PCDH15: variants seen among roughly 807,000 people sequenced by gnomAD.
PCDH15 encodes the protein protocadherin-15.
PCDH15 carries 129 observed loss-of-function variants against 178.5 expected under a neutral mutation model. That is an observed-to-expected ratio of 0.72 (90% CI 0.63 to 0.84). The LOEUF is 0.84. Among genes scored for constraint, PCDH15 ranks in the 40% least tolerant of loss-of-function variants. The probability of loss-of-function intolerance (pLI) is 0.00; values close to 1 mark genes in which losing one functional copy is unlikely to be tolerated. For synonymous variants in PCDH15, 800 were observed against 732.0 expected, an observed-to-expected ratio of 1.09 and a Z score of -1.50; for missense variants, 2,230 against 2,099.9, an observed-to-expected ratio of 1.06 and a Z score of -1.21.
intron 2 of PCDH15, among the ~76,000 whole-genome samples, chr10:55,457,868 T>C (rs566140489): frequency 5.9e-5 from 9 of 152,208 alleles, no homozygotes; most frequent in Admixed American, 5.9e-4. Flanking sequence ...TATGTGTCAC[T>C]ATATTAATAA....
intron 2 of PCDH15, among the ~76,000 whole-genome samples, chr10:54,638,830 A>G (rs913169855): frequency 2.6e-5 from 4 of 152,166 alleles, no homozygotes; most frequent in African/African-American, 9.6e-5. Context: ...CATGGTATAT[A>G]GACACCACGG....
chr10:54,857,763 A>G (rs954779928), intron 3 of PCDH15, among the ~76,000 whole-genome samples: 1 of 152,064 alleles, frequency 6.6e-6, no homozygotes, highest in African/African-American at 2.4e-5. Context: ...AATAACTTTT[A>G]AAGTTGAATT....
rs183926122 is a variant in PCDH15, at chr10:54,535,310, A to T, written c.92-7433T>A. On this transcript the variant is annotated intron_variant, in intron 2 of 37. Transcript: ENST00000644397. ...CATAGCTACCTCAATCTGTACTTTTAAAAAAAACAATTTCTTATTATTTTA... is the reference window on the plus strand; with the variant it reads ...CATAGCTACCTCAATCTGTACTTTTTAAAAAAACAATTTCTTATTATTTTA... Among the ~76,000 whole-genome samples, 1,260 of 152,040 alleles carry T rather than the reference A, an allele frequency of 8.3e-3. 17 individuals are homozygous for T. Among genetic ancestry groups the T allele is most frequent in the African/African-American group, 0.029 (1,188 of 41,482 alleles).
At chr10:53,962,395 G>A (rs1373285920) in intron 21 of PCDH15, among the ~76,000 whole-genome samples, 1 of 152,060 alleles carries the variant, frequency 6.6e-6, no homozygotes, top group Non-Finnish European at 1.5e-5. Context: ...GAGGACTGTA[G>A]TAAAGTGCAG....
At chr10:54,293,552 T>A (rs1436593888) in intron 8 of PCDH15, among the ~76,000 whole-genome samples, 1 of 152,102 alleles carries the variant, frequency 6.6e-6, no homozygotes, top group Non-Finnish European at 1.5e-5. Flanking sequence ...GGGAGACAAT[T>A]TTTGCAATCT....
intron 26 of PCDH15, among the ~76,000 whole-genome samples, chr10:53,868,566 C>T (rs935876371): frequency 6.6e-6 from 1 of 151,740 alleles, no homozygotes; most frequent in Non-Finnish European, 1.5e-5. Flanking sequence ...TCAATTCAAT[C>T]TAATTTTAAT....
upstream of PCDH15, among the ~76,000 whole-genome samples, chr10:55,321,604 G>A (rs1288932267): frequency 6.6e-6 from 1 of 152,184 alleles, no homozygotes; most frequent in African/African-American, 2.4e-5. Context: ...GGCAGCTAGA[G>A]AGAAAGGACT....
chr10:54,444,585 G>A (rs370026818), intron 3 of PCDH15, among the ~76,000 whole-genome samples: 4 of 151,764 alleles, frequency 2.6e-5, no homozygotes, highest in Non-Finnish European at 4.4e-5. Context: ...TTTCAACTGT[G>A]AGAGTACCTG....
At chr10:54,083,106 C>G (rs1217457754) in intron 16 of PCDH15, among the ~76,000 whole-genome samples, 1 of 152,060 alleles carries the variant, frequency 6.6e-6, no homozygotes, top group South Asian at 2.1e-4. Context: ...AAACAACCAC[C>G]ATTACTAACA....
chr10:55,351,238 A>G (rs1223230266), intron 2 of PCDH15, among the ~76,000 whole-genome samples: 2 of 151,218 alleles, frequency 1.3e-5, no homozygotes, highest in South Asian at 4.2e-4. Context: ...CTTCTCATTC[A>G]CTTCTCCTCC....
At chr10:55,121,000 G>A (rs1399659391) in intron 2 of PCDH15, among the ~76,000 whole-genome samples, 1 of 152,162 alleles carries the variant, frequency 6.6e-6, no homozygotes, top group African/African-American at 2.4e-5. Context: ...TGTGGATGCA[G>A]TGCTGCCCTT....
chr10:54,478,596 C>G (rs1589622332), intron 3 of PCDH15, among the ~76,000 whole-genome samples: 1 of 152,064 alleles, frequency 6.6e-6, no homozygotes, highest in African/African-American at 2.4e-5. Flanking sequence ...AAGCATTTGC[C>G]TAATTTCAGG....
At chr10:55,401,698 T>C (rs1838075420) in intron 2 of PCDH15, among the ~76,000 whole-genome samples, 1 of 151,180 alleles carries the variant, frequency 6.6e-6, no homozygotes, top group African/African-American at 2.4e-5. Flanking sequence ...TAGATAATGC[T>C]GATTAGGGGA....
chr10:54,271,717 C>A (rs2058059078), intron 8 of PCDH15, among the ~76,000 whole-genome samples: 1 of 152,028 alleles, frequency 6.6e-6, no homozygotes, highest in African/African-American at 2.4e-5. Context: ...AATTCTTATA[C>A]TCACTATTTG....
At chr10:54,154,143 A>G (rs1218206983) in intron 13 of PCDH15, among the ~76,000 whole-genome samples, 1 of 152,220 alleles carries the variant, frequency 6.6e-6, no homozygotes, top group African/African-American at 2.4e-5. Context: ...GTGATTTATT[A>G]TATTAAAAGT....
chr10:55,482,409 A>G (rs533289378), intron 2 of PCDH15, among the ~76,000 whole-genome samples: 1 of 151,786 alleles, frequency 6.6e-6, no homozygotes, highest in Non-Finnish European at 1.5e-5. Flanking sequence ...ATTGCTTTAT[A>G]GTGTCACTGA....
At chr10:54,726,430 GT>G (rs1176923003) in intron 1 of PCDH15, among the ~76,000 whole-genome samples, 32 of 112,380 alleles carry the variant, frequency 2.8e-4, no homozygotes, top group African/African-American at 8.7e-4. Context: ...GTGTGTGTGT[GT>G]GTGTGTGTGT....
intron 9 of PCDH15, among the ~76,000 whole-genome samples, chr10:54,225,206 A>G (rs1394957401): frequency 6.6e-6 from 1 of 152,148 alleles, no homozygotes; most frequent in Non-Finnish European, 1.5e-5. Flanking sequence ...CTGAAAAGGG[A>G]GGTCAAGAGA....
In PCDH15 at chr10:54,954,564, C is replaced by T. The variant is rs1253691526; in HGVS notation, c.-79-57064G>A. Among the ~76,000 whole-genome samples, 4 of 151,284 alleles carry T rather than the reference C, an allele frequency of 2.6e-5. No homozygotes were observed. The East Asian group carries it at 5.8e-4, about 22-fold the overall frequency. ...TTCAAAATCTACCATTATGCCCTGA[C>T]CTCTACAGTTATTCCAACAAAACAC... is the stretch of plus-strand genomic sequence containing the variant. On this transcript the variant is annotated intron_variant, in intron 2 of 5. Coordinates refer to the PCDH15 transcript ENST00000458638.
Sources: gnomAD v4.1 joint callset for allele counts (sites outside exome capture counted in the v4.1 genomes callset) on GRCh38, gnomAD v4.1.1 for gene constraint, MANE v1.5 for transcripts, NCBI Gene and HGNC (gene_info 2026-07-23, HGNC 2026-07-21) for gene names.